Variants in PTPRF observed in about 807,000 individuals in gnomAD.
The protein encoded by PTPRF is protein tyrosine phosphatase receptor type F.
A neutral mutation model predicts 201.8 loss-of-function variants in PTPRF; 59 were observed. The ratio of observed to expected loss-of-function variants is 0.29; its 90% CI spans 0.24 to 0.36. The LOEUF is 0.36. Among genes scored for constraint, PTPRF ranks in the 10% least tolerant of loss-of-function variants. The pLI, the probability that PTPRF is intolerant of heterozygous loss-of-function variation, is 1.00. For missense variants in PTPRF, 2,132 were observed against 2,690.5 expected, an observed-to-expected ratio of 0.79 and a Z score of 4.59; for synonymous variants, 1,088 against 1,089.7, an observed-to-expected ratio of 1.00 and a Z score of 0.03.
At chr1:43,591,665 C>G in intron 9 of PTPRF, 112 bp downstream of exon 9, 1 of 1,436,546 alleles carries the variant, frequency 7.0e-7, no homozygotes, top group East Asian at 2.5e-5. Flanking sequence ...TTGGGAGGAT[C>G]AAGGTGCCGT....
intron 5 of PTPRF, among the ~76,000 whole-genome samples, chr1:43,557,838 A>G (rs1422909215): frequency 6.6e-6 from 1 of 152,144 alleles, no homozygotes; most frequent in East Asian, 1.9e-4. Flanking sequence ...CTTCTGAAAC[A>G]TAGCACCAGG....
In PTPRF at chr1:43,603,754, A is replaced by G. The variant is rs141782417; in HGVS notation, c.2602A>G (p.Ile868Val). ...GGCCGACGAGGCGCGGCCCAACACC[A>G]TAGATTTCGGCAAGGATGACCAGCA... ...CRADEARPNTIDFGKDDQHFT... is the reference protein window; with the variant it reads ...CRADEARPNTVDFGKDDQHFT... The change falls in exon 16 of 34, where the codon ATA becomes GTA. Residue 868 changes from isoleucine to valine, a missense_variant. Transcript: ENST00000359947. This position sits in a 1 kb window ranked among gnomAD's most constrained non-coding sequence, Gnocchi z 5.8. The G allele has an allele frequency of 2.7e-4, 432 of 1,613,978 alleles. 1 individual carries two copies. The African/African-American group carries it at 4.8e-3, about 18-fold the overall frequency.
intron 5 of PTPRF, among the ~76,000 whole-genome samples, chr1:43,567,606 A>G (rs1298295917): frequency 6.6e-6 from 1 of 152,176 alleles, no homozygotes; most frequent in Non-Finnish European, 1.5e-5. Flanking sequence ...CTTGGGGAGC[A>G]TCCCCTGGGA....
chr1:43,621,858 C>T, intron 33 of PTPRF, 77 bp from the exon 34 acceptor site: 1 of 1,431,208 alleles, frequency 7.0e-7, no homozygotes, highest in Non-Finnish European at 9.8e-7. Flanking sequence ...AACTCCATGG[C>T]TGCAGTGTGA....
intron 9 of PTPRF, 110 bp downstream of exon 9, chr1:43,591,663 A>G: frequency 7.0e-7 from 1 of 1,438,084 alleles, no homozygotes; most frequent in Non-Finnish European, 9.3e-7. Context: ...TCTTGGGAGG[A>G]TCAAGGTGCC....
At position 43,605,329 on chromosome 1, in the gene PTPRF, C is replaced by T. The variant is rs1654820467; in HGVS notation, c.3275C>T (p.Ser1092Phe). 1 of 1,613,794 alleles carries T rather than the reference C, an allele frequency of 6.2e-7. No homozygotes were observed. The highest frequency in any genetic ancestry group is 8.5e-7 in the Non-Finnish European group (1 of 1,179,938). ...GCAGGGGGCCTGCAGCACCTGGTGT[C>T]CATCCGCACAGCCCCCGACCTCCTG... Reference protein sequence around the residue: ...SSAGGLQHLVSIRTAPDLLPH... With the variant: ...SSAGGLQHLVFIRTAPDLLPH... Residue 1092 changes from serine to phenylalanine, a missense_variant, in exon 18 of 34, where the codon TCC (serine) becomes TTC (phenylalanine). Physicochemically the swap from Ser to Phe is radical, Grantham distance 155. Transcript: ENST00000359947.
chr1:43,529,201 A>G (rs1643250051), upstream of PTPRF, among the ~76,000 whole-genome samples: 1 of 152,238 alleles, frequency 6.6e-6, no homozygotes, highest in African/African-American at 2.4e-5. Flanking sequence ...ACCAATGGTG[A>G]AAAACCACTC....
Position 43,613,708 on chromosome 1 carries a change from A to C in PTPRF, c.4064A>C (p.Glu1355Ala), listed in dbSNP as rs944539538. The change falls in exon 23 of 34, where the codon GAG becomes GCG. Residue 1355 changes from glutamate to alanine, a missense_variant. Glu to Ala is a moderately radical substitution (Grantham distance 107). This residue lies in a region of PTPRF where 818 missense variants were observed against 915.3 expected (regional missense o/e 0.89). Transcript: ENST00000359947. ...KANDGLKFSQ[E>A]YESIDPGQQF... The stretch of plus-strand genomic sequence containing the variant: ...AACGATGGCCTCAAGTTCTCCCAGG[A>C]GTATGAGGTGAGATGTTCCCGCCCC... The C allele has an allele frequency of 6.2e-7, 1 of 1,613,606 alleles. No homozygotes were observed. Among genetic ancestry groups the C allele is most frequent in the Non-Finnish European group, 8.5e-7 (1 of 1,179,638 alleles).
chr1:43,619,089 C>A lies in PTPRF; in HGVS notation c.4533C>A (p.Phe1511Leu), dbSNP rs1658558683. The A allele has an allele frequency of 1.2e-6, 2 of 1,614,072 alleles. No individual in the cohort carries two copies. Among genetic ancestry groups the A allele is most frequent in the Non-Finnish European group, 1.7e-6 (2 of 1,179,978 alleles). Residue 1511 changes from phenylalanine (F) to leucine (L), a missense_variant, in exon 27 of 34, where the codon TTC becomes TTA. Physicochemically the swap from Phe to Leu is conservative, Grantham distance 22. Coordinates refer to ENST00000359947, the MANE Select transcript of PTPRF (RefSeq NM_002840.5). ...AGCGCGAGCTGCGTCAGTTTCAGTT[C>A]ATGGCCTGGCCAGACCATGGAGTTC... ...SEKRELRQFQFMAWPDHGVPE... is the reference protein window; with the variant it reads ...SEKRELRQFQLMAWPDHGVPE...
intron 2 of PTPRF, among the ~76,000 whole-genome samples, chr1:43,540,167 C>T (rs532908266): frequency 3.5e-4 from 54 of 152,302 alleles, no homozygotes; most frequent in African/African-American, 1.3e-3. Context: ...TTTCTTCCCC[C>T]TAGATGCCAG....
intron 5 of PTPRF, among the ~76,000 whole-genome samples, chr1:43,555,468 C>T (rs111608212): frequency 0.044 from 5,325 of 122,244 alleles, 359 homozygotes; most frequent in African/African-American, 0.15. Context: ...TTTTTTGAGA[C>T]GGAGTCTAGC....
chr1:43,620,436 C>T lies in PTPRF; in HGVS notation c.5239-18C>T, dbSNP rs1280432506. 6.2e-7 allele frequency: 1 copy of T among 1,604,146 alleles called. No individual in the cohort carries two copies. The highest frequency in any genetic ancestry group is 8.5e-7 in the Non-Finnish European group (1 of 1,172,810). On this transcript the variant is annotated intron_variant, in intron 30 of 33. Transcript: ENST00000359947. ...TTCCTTCTCACCTGATTATGGGGGC[C>T]CGACCCTCTGTCCACAGGAGAAATG...
At chr1:43,597,137 GTA>G (rs756366574) in intron 11 of PTPRF, among the ~76,000 whole-genome samples, 7 of 151,012 alleles carry the variant, frequency 4.6e-5, no homozygotes, top group Non-Finnish European at 1.0e-4. Context: ...GAGACACTGT[GTA>G]TATGACACTA....
At chr1:43,590,907 A>G in intron 8 of PTPRF, 65 bp from the exon 9 acceptor site, 4 of 1,406,990 alleles carry the variant, frequency 2.8e-6, no homozygotes, top group Non-Finnish European at 3.9e-6. Flanking sequence ...ATAATCCCCA[A>G]GTCTAGGGTT....
chr1:43,612,535 G>C (rs1325500003), intron 22 of PTPRF, among the ~76,000 whole-genome samples: 1 of 152,108 alleles, frequency 6.6e-6, no homozygotes, highest in Non-Finnish European at 1.5e-5. Context: ...AGAAGTGCTC[G>C]CCTCTGGGGG....
At chr1:43,609,219 C>T (rs547618604) in intron 21 of PTPRF, among the ~76,000 whole-genome samples, 164 bp from the exon 22 acceptor site, 2 of 152,292 alleles carry the variant, frequency 1.3e-5, no homozygotes, top group African/African-American at 4.8e-5. Context: ...CATGTCAAGG[C>T]TGTTCTGGCC....
At chr1:43,601,688 CT>C (rs1373159518) in intron 13 of PTPRF, among the ~76,000 whole-genome samples, 4 of 152,370 alleles carry the variant, frequency 2.6e-5, no homozygotes, top group African/African-American at 9.6e-5. Flanking sequence ...CCCTCAGTGT[CT>C]TCCTTTCCCT....
At chr1:43,614,816 C>T (rs907770376) in intron 23 of PTPRF, among the ~76,000 whole-genome samples, 7 of 152,034 alleles carry the variant, frequency 4.6e-5, no homozygotes, top group East Asian at 1.9e-4. Flanking sequence ...CATGCCATTG[C>T]GCTCCAGCCT....
chr1:43,529,020 A>G (rs538732328), upstream of PTPRF, among the ~76,000 whole-genome samples: 1 of 152,210 alleles, frequency 6.6e-6, no homozygotes, highest in Non-Finnish European at 1.5e-5. Flanking sequence ...GCCAAGGAAA[A>G]GAACTGTTTT....
Sources: gnomAD v4.1 joint callset for allele counts (sites outside exome capture counted in the v4.1 genomes callset) on GRCh38, gnomAD v4.1.1 for gene constraint, gnomAD v4.1.1 regional missense constraint, Gnocchi (gnomAD v3.1) non-coding constraint, MANE v1.5 for transcripts, NCBI Gene and HGNC (gene_info 2026-07-23, HGNC 2026-07-21) for gene names.